The following RALYL variants were observed in gnomAD, a reference collection of about 807,000 sequenced individuals.
RALYL encodes the protein RNA-binding Raly-like protein.
Under a neutral mutation model 35.1 loss-of-function variants are expected in RALYL, and 29 were observed. The observed-to-expected ratio is 0.83, with a 90% CI of 0.61 to 1.13. RALYL has a LOEUF of 1.13. Ranked by LOEUF, RALYL falls within the 50% of genes most tolerant of loss-of-function variation. The pLI is 0.00. For missense variants in RALYL, 359 were observed against 360.4 expected (o/e 1.00, Z 0.03); for synonymous variants, 120 against 127.6 (o/e 0.94, Z 0.40).
chr8:84,413,333 G>A (rs1295505239), intron 1 of RALYL, among the ~76,000 whole-genome samples: 2 of 150,838 alleles, frequency 1.3e-5, no homozygotes, highest in Non-Finnish European at 3.0e-5. Context: ...TGACTATTAT[G>A]TATTTTTATT....
chr8:84,684,357 C>A (rs889299668), intron 2 of RALYL, among the ~76,000 whole-genome samples: 2 of 152,168 alleles, frequency 1.3e-5, no homozygotes, highest in Admixed American at 6.6e-5. Context: ...AAGATGATCA[C>A]TGCCTTCAAG....
intron 1 of RALYL, chr8:84,346,226 A>G: frequency 4.3e-6 from 1 of 231,086 alleles, no homozygotes; most frequent in South Asian, 1.6e-4. Flanking sequence ...TTGATAACCA[A>G]CATCTGACCA....
chr8:84,247,000 C>T (rs939690893), intron 1 of RALYL, among the ~76,000 whole-genome samples: 9 of 152,144 alleles, frequency 5.9e-5, no homozygotes, highest in African/African-American at 2.2e-4. Context: ...GTTGCATGAA[C>T]TTGTGCAGTC....
chr8:84,191,469 C>T (rs1331408558), intron 1 of RALYL, among the ~76,000 whole-genome samples: 3 of 152,136 alleles, frequency 2.0e-5, no homozygotes, highest in African/African-American at 7.2e-5. Flanking sequence ...CAAAGCATGG[C>T]TTCTTAATAT....
At chr8:84,694,068 C>A (rs189427103) in intron 2 of RALYL, among the ~76,000 whole-genome samples, 2 of 151,940 alleles carry the variant, frequency 1.3e-5, no homozygotes, top group Admixed American at 6.6e-5. Context: ...GAACCCCACT[C>A]TCTCCACTTC....
intron 1 of RALYL, among the ~76,000 whole-genome samples, chr8:84,355,244 G>A (rs538632579): frequency 2.0e-5 from 3 of 150,336 alleles, no homozygotes; most frequent in Non-Finnish European, 3.0e-5. Flanking sequence ...GGACTCTGCC[G>A]GGAACTAGGA....
chr8:84,210,256 T>C (rs535837430), intron 1 of RALYL, among the ~76,000 whole-genome samples: 1 of 152,214 alleles, frequency 6.6e-6, no homozygotes, highest in Non-Finnish European at 1.5e-5. Context: ...TCTTAATTAC[T>C]TTTCAAATTA....
chr8:84,344,205 A>G (rs1303908452), intron 1 of RALYL, among the ~76,000 whole-genome samples: 1 of 152,088 alleles, frequency 6.6e-6, no homozygotes, highest in Non-Finnish European at 1.5e-5. Flanking sequence ...ATTAGGTATA[A>G]TACAGATTAA....
At chr8:84,851,795 G>A (rs1273013758) in intron 5 of RALYL, among the ~76,000 whole-genome samples, 5 of 152,092 alleles carry the variant, frequency 3.3e-5, no homozygotes, top group Non-Finnish European at 5.9e-5. Context: ...ATCTCAGCAC[G>A]AACATCCCTC....
chr8:84,194,954 A>G (rs1814850164), intron 1 of RALYL, among the ~76,000 whole-genome samples: 1 of 152,098 alleles, frequency 6.6e-6, no homozygotes, highest in African/African-American at 2.4e-5. Flanking sequence ...ACAGATGGAA[A>G]AAAGGAGATA....
At chr8:84,805,226 A>C (rs928267581) in intron 4 of RALYL, among the ~76,000 whole-genome samples, 1 of 152,110 alleles carries the variant, frequency 6.6e-6, no homozygotes, top group East Asian at 1.9e-4. Context: ...TTCACAATCA[A>C]TATCTATCTT....
chr8:84,216,396 A>G (rs1287177758), intron 1 of RALYL, among the ~76,000 whole-genome samples: 3 of 139,586 alleles, frequency 2.1e-5, no homozygotes, highest in African/African-American at 8.2e-5. Context: ...TAGGGAAGTT[A>G]TAAGAGACAA....
intron 1 of RALYL, among the ~76,000 whole-genome samples, chr8:84,393,815 C>T (rs370660377): frequency 1.2e-3 from 188 of 152,158 alleles, no homozygotes; most frequent in African/African-American, 4.4e-3. Context: ...ATGGTGTATA[C>T]CTCATAAAGT....
chr8:84,418,398 T>C (rs1400858241), intron 1 of RALYL, among the ~76,000 whole-genome samples: 1 of 152,178 alleles, frequency 6.6e-6, no homozygotes, highest in Non-Finnish European at 1.5e-5. Flanking sequence ...TGTTAGCTAG[T>C]ATTACAAATG....
chr8:84,742,774 G>A (rs1307257072), intron 2 of RALYL, among the ~76,000 whole-genome samples: 1 of 152,062 alleles, frequency 6.6e-6, no homozygotes, highest in African/African-American at 2.4e-5. Flanking sequence ...TTGGTGAAGT[G>A]TTGCAGAGAA....
At chr8:84,717,923 C>A (rs1402064172) in intron 2 of RALYL, among the ~76,000 whole-genome samples, 1 of 152,074 alleles carries the variant, frequency 6.6e-6, no homozygotes, top group East Asian at 1.9e-4. Context: ...AAATAACTAT[C>A]ATTGCCATAT....
At chr8:84,758,856 C>A (rs1390883408) in intron 2 of RALYL, among the ~76,000 whole-genome samples, 2 of 152,172 alleles carry the variant, frequency 1.3e-5, no homozygotes, top group Non-Finnish European at 2.9e-5. Flanking sequence ...TTTTCTATTG[C>A]TGTTGCAACA....
chr8:84,653,570 C>T (rs534014762), intron 2 of RALYL, among the ~76,000 whole-genome samples: 1 of 152,034 alleles, frequency 6.6e-6, no homozygotes, highest in Non-Finnish European at 1.5e-5. Context: ...TCCTTCCTTC[C>T]TTCAGGTCTT....
At chr8:84,827,219 G>C (rs1220177916) in intron 4 of RALYL, among the ~76,000 whole-genome samples, 1 of 152,064 alleles carries the variant, frequency 6.6e-6, no homozygotes, top group African/African-American at 2.4e-5. Flanking sequence ...CAAGCTAACA[G>C]TGTTTTCACA....
Sources: gnomAD v4.1 joint callset for allele counts (sites outside exome capture counted in the v4.1 genomes callset) on GRCh38, gnomAD v4.1.1 for gene constraint, MANE v1.5 for transcripts, NCBI Gene and HGNC (gene_info 2026-07-23, HGNC 2026-07-21) for gene names.